C1orf167: variants seen among roughly 807,000 people sequenced by gnomAD.
C1orf167 encodes the protein uncharacterized protein C1orf167.
C1orf167 carries 153 observed loss-of-function variants against 176.5 expected under a neutral mutation model. That is an observed-to-expected ratio of 0.87 (90% CI 0.76 to 0.99). The LOEUF is 0.99. Ranked by LOEUF, C1orf167 falls within the 50% of genes least tolerant of loss-of-function variation. The probability of loss-of-function intolerance (pLI) is 0.00; values close to 1 mark genes in which losing one functional copy is unlikely to be tolerated. For missense variants in C1orf167, 1,490 were observed against 1,817.7 expected, an observed-to-expected ratio of 0.82 and a Z score of 3.28; for synonymous variants, 594 against 752.7, an observed-to-expected ratio of 0.79 and a Z score of 3.45.
At chr1:11,784,729 G>A (rs1270616762) in intron 15 of C1orf167, 136 bp downstream of exon 15, 13 of 1,014,216 alleles carry the variant, frequency 1.3e-5, no homozygotes, top group Non-Finnish European at 1.5e-5. Context: ...GGGGTGACAG[G>A]GAGAGGCCGC....
In C1orf167 at chr1:11,779,876, A is replaced by G. The variant is rs1168037526; in HGVS notation, c.2726A>G (p.Asp909Gly). The part of the protein sequence containing the change: ...WRELASHRAW[D>G]RTCRAVLGLW... ...GAGCTGGCTTCCCACCGGGCCTGGG[A>G]TCGGACCTGCAGGGCTGTGCTGGGC... is the stretch of plus-strand genomic sequence containing the variant. The change falls in exon 13 of 21, where the codon GAT becomes GGT. Residue 909 changes from aspartate to glycine, a missense_variant. By Grantham distance (94) the Asp-to-Gly change is moderately conservative. Transcript: ENST00000688073. 6 of 1,303,098 alleles carry G rather than the reference A, an allele frequency of 4.6e-6. No individual in the cohort carries two copies. The highest frequency in any genetic ancestry group is 6.1e-6 in the Non-Finnish European group (6 of 988,894). 80.7% of individuals were successfully genotyped at this position (1,303,098 alleles called of 1,614,324 possible). A position where few individuals can be genotyped will look rare whatever the true frequency, so the allele number is the denominator to read the frequency against.
Position 11,771,621 on chromosome 1 carries a change from G to A in C1orf167, c.1795G>A (p.Ala599Thr), listed in dbSNP as rs1222282746. The change falls in exon 7 of 21, where the codon GCC becomes ACC. Residue 599 changes from alanine (A) to threonine (T), a missense_variant. Ala to Thr is a moderately conservative substitution (Grantham distance 58). Coordinates refer to ENST00000688073, the MANE Select transcript of C1orf167 (RefSeq NM_001010881.2). ...SRHERVQILQ[A>T]LQLAVFFLWC... is the part of the protein sequence containing the mutation. ...ACACGAGAGAGTCCAGATCCTGCAG[G>A]CCCTGCAACTGGCTGGTGAGACGTG... is the stretch of plus-strand genomic sequence containing the variant. The A allele has an allele frequency of 7.8e-7, 1 of 1,289,808 alleles. No individual in the cohort carries two copies. The highest frequency in any genetic ancestry group is 1.0e-6 in the Non-Finnish European group (1 of 988,840). The allele number at this position is 1,289,808 out of a possible 1,614,324, so 79.9% of individuals were successfully genotyped here. A position where few individuals can be genotyped will look rare whatever the true frequency, so the allele number is the denominator to read the frequency against.
intron 6 of C1orf167, among the ~76,000 whole-genome samples, chr1:11,770,695 C>T (rs1037577082): frequency 1.3e-5 from 2 of 151,330 alleles, no homozygotes; most frequent in Non-Finnish European, 2.9e-5. Context: ...CTCCTGGCCT[C>T]AAGGTATCTG....
rs1212608877 is a variant in C1orf167, at chr1:11,768,501, A to G, written c.1542+226A>G. On this transcript the variant is annotated intron_variant, in intron 5 of 20. Coordinates refer to ENST00000688073, the MANE Select transcript of C1orf167 (RefSeq NM_001010881.2). The surrounding 1 kb of genome is among the most constrained non-coding windows in gnomAD (Gnocchi z 4.5). Reference sequence around the variant, plus strand: ...CTGCGTGACCTTGGGCAAGTTACCTAACCTCTCTGTGCCCCAGTCTCTTTA... The same window carrying G: ...CTGCGTGACCTTGGGCAAGTTACCTGACCTCTCTGTGCCCCAGTCTCTTTA... Among the ~76,000 whole-genome samples the G allele has an allele frequency of 3.3e-5, 5 of 152,136 alleles. No homozygotes were observed. The highest frequency in any genetic ancestry group is 6.6e-5 in the Admixed American group (1 of 15,266).
At chr1:11,769,387 C>A (rs563592669) in intron 6 of C1orf167, among the ~76,000 whole-genome samples, 1 of 152,074 alleles carries the variant, frequency 6.6e-6, no homozygotes, top group African/African-American at 2.4e-5. Flanking sequence ...GGCAACATAG[C>A]GAGACCCCGT....
chr1:11,788,964 C>G (rs966221316), intron 20 of C1orf167: 15 of 387,204 alleles, frequency 3.9e-5, no homozygotes, highest in Non-Finnish European at 6.8e-5. Flanking sequence ...CAGGCCCACC[C>G]GGTCCATCAG....
rs1483746144 is a variant in C1orf167, at chr1:11,789,467, A to T, written c.*21A>T. Reference sequence around the variant, plus strand: ...TGTGACTTGTTCTCATAGAATAAAAAACAGAACTGAACTTAGCCTTCCCAG... The same window carrying T: ...TGTGACTTGTTCTCATAGAATAAAATACAGAACTGAACTTAGCCTTCCCAG... On this transcript the variant is annotated 3_prime_UTR_variant, in exon 21 of 21. Transcript: ENST00000688073. 3.1e-6 allele frequency: 4 copies of T among 1,300,316 alleles called. No individual in the cohort carries two copies. 80.5% of individuals were successfully genotyped at this position (1,300,316 alleles called of 1,614,324 possible). A position where few individuals can be genotyped will look rare whatever the true frequency, so the allele number is the denominator to read the frequency against.
Position 11,762,320 on chromosome 1 carries a change from A to T in C1orf167, c.-71+15A>T. 8.1e-6 allele frequency: 3 copies of T among 371,878 alleles called. No individual in the cohort carries two copies. Among genetic ancestry groups the T allele is most frequent in the Non-Finnish European group, 1.6e-5 (3 of 185,848 alleles). The allele number at this position is 371,878 out of a possible 1,614,324, so 23.0% of individuals were successfully genotyped here. A position where few individuals can be genotyped will look rare whatever the true frequency, so the allele number is the denominator to read the frequency against. ...GACCCACGCACGTGAGGGCAGATCC[A>T]TGAGGGCAGGAAACTGACCTCAGAC... On this transcript the variant is annotated intron_variant, in intron 1 of 20. Transcript: ENST00000688073.
At position 11,788,297 on chromosome 1, in the gene C1orf167, T is replaced by C; in HGVS notation, c.3997T>C (p.Phe1333Leu). The change falls in exon 19 of 21, where the codon TTC (phenylalanine) becomes CTC (leucine). Residue 1333 changes from phenylalanine to leucine, a missense_variant. Coordinates refer to ENST00000688073, the MANE Select transcript of C1orf167 (RefSeq NM_001010881.2). ...AGGCACTGCTTCACGGGCTGCGGGG[T>C]TCCCAGCAGGCCAGGTGCCTGGCAG... is the stretch of plus-strand genomic sequence containing the variant. ...PRGTASRAAGFPAGQVPGSGM... is the reference protein window; with the variant it reads ...PRGTASRAAGLPAGQVPGSGM... 7.7e-7 allele frequency: 1 copy of C among 1,303,334 alleles called. No individual in the cohort carries two copies. Among genetic ancestry groups the C allele is most frequent in the Non-Finnish European group, 1.0e-6 (1 of 988,502 alleles). The allele number at this position is 1,303,334 out of a possible 1,614,324, so 80.7% of individuals were successfully genotyped here. A position where few individuals can be genotyped will look rare whatever the true frequency, so the allele number is the denominator to read the frequency against.
intron 12 of C1orf167, chr1:11,779,345 C>T (rs1193238300): frequency 2.7e-5 from 6 of 224,546 alleles, no homozygotes; most frequent in African/African-American, 1.4e-4. Flanking sequence ...AAGAGTTGGT[C>T]TCCCTGGGTT....
chr1:11,771,514 T>C lies in C1orf167; in HGVS notation c.1698-10T>C. On this transcript the variant is annotated splice_polypyrimidine_tract_variant and intron_variant, in intron 6 of 20. Transcript: ENST00000688073. ...GTCATCAGCTTCTCTCTGGGCAACT[T>C]TGCTTTTAGTCCAGGAAGTCTGAGG... is the stretch of plus-strand genomic sequence containing the variant. 7.8e-7 allele frequency: 1 copy of C among 1,288,334 alleles called. No individual in the cohort carries two copies. The allele number at this position is 1,288,334 out of a possible 1,614,324, so 79.8% of individuals were successfully genotyped here. A position where few individuals can be genotyped will look rare whatever the true frequency, so the allele number is the denominator to read the frequency against.
rs148716033 is a variant in C1orf167, at chr1:11,766,356, C to T, written c.570C>T (p.Leu190=). The change falls in exon 3 of 21, where the codon CTC becomes CTT. Residue 190 remains leucine (L), a synonymous_variant. Coordinates refer to ENST00000688073, the MANE Select transcript of C1orf167 (RefSeq NM_001010881.2). This position sits in a 1 kb window ranked among gnomAD's most constrained non-coding sequence, Gnocchi z 4.5. ...GGCCCACTGAAGCCTTTGCCCCTCT[C>T]GATGGGCATACACAGCCAGGCCTCA... The part of the protein sequence containing the change: ...DFRPTEAFAP[L]DGHTQPGLRS... 413 of 1,273,264 alleles carry T rather than the reference C, an allele frequency of 3.2e-4. 4 individuals carry two copies. In the African/African-American group the frequency reaches 5.7e-3, roughly 18 times the overall value. 78.9% of individuals were successfully genotyped at this position (1,273,264 alleles called of 1,614,324 possible).
In C1orf167 at chr1:11,766,290, G is replaced by C. The variant is rs1472808452; in HGVS notation, c.504G>C (p.Gln168His). 3 of 1,289,588 alleles carry C rather than the reference G, an allele frequency of 2.3e-6. No individual in the cohort carries two copies. The highest frequency in any genetic ancestry group is 2.0e-6 in the Non-Finnish European group (2 of 988,760). 79.9% of individuals were successfully genotyped at this position (1,289,588 alleles called of 1,614,324 possible). A position where few individuals can be genotyped will look rare whatever the true frequency, so the allele number is the denominator to read the frequency against. ...CTCGCCCATCTTCCTGCCTGAGGCA[G>C]TCCGGGCTGCCGGCCCCAGGCACCC... ...PLARPSSCLR[Q>H]SGLPAPGTPS... Residue 168 changes from glutamine (Q) to histidine (H), a missense_variant, in exon 3 of 21, where the codon CAG becomes CAC. Physicochemically the swap from Gln to His is conservative, Grantham distance 24 (BLOSUM62 0). Coordinates refer to ENST00000688073, the MANE Select transcript of C1orf167 (RefSeq NM_001010881.2). This position sits in a 1 kb window ranked among gnomAD's most constrained non-coding sequence, Gnocchi z 4.5.
chr1:11,779,684 G>C (rs1159126061), intron 12 of C1orf167, 118 bp from the exon 13 acceptor site: 5 of 774,606 alleles, frequency 6.5e-6, no homozygotes, highest in Non-Finnish European at 9.1e-6. Context: ...AATGGAAACA[G>C]AAGAGTCACC....
Position 11,766,661 on chromosome 1 carries a change from CGGATGGGAGGAGGAGACG to C in C1orf167, c.876_893del (p.Asp293_Arg298del). The stretch of plus-strand genomic sequence containing the variant: ...CCCAGCCAGCCTGTCCTTGCTTCCT[CGGATGGGAGGAGGAGACG>C]CCTTCGAGGCCACAGGGAAACTGCG... On this transcript the variant is annotated inframe_deletion, in exon 3 of 21. Coordinates refer to ENST00000688073, the MANE Select transcript of C1orf167 (RefSeq NM_001010881.2). The surrounding 1 kb of genome is among the most constrained non-coding windows in gnomAD (Gnocchi z 4.5). 1 of 1,289,610 alleles carries C rather than the reference CGGATGGGAGGAGGAGACG, an allele frequency of 7.8e-7. No individual in the cohort carries two copies. The highest frequency in any genetic ancestry group is 2.3e-5 in the Admixed American group (1 of 43,554). 79.9% of individuals were successfully genotyped at this position (1,289,610 alleles called of 1,614,324 possible).
At chr1:11,780,110 C>G in intron 13 of C1orf167, 100 bp downstream of exon 13, 3 of 914,036 alleles carry the variant, frequency 3.3e-6, no homozygotes, top group Non-Finnish European at 4.4e-6. Context: ...ACTGTAACCG[C>G]ATGGGAGAAC....
At chr1:11,767,904 C>T (rs1249036062) in intron 4 of C1orf167, among the ~76,000 whole-genome samples, 173 bp from the exon 5 acceptor site, 2 of 152,104 alleles carry the variant, frequency 1.3e-5, no homozygotes, top group East Asian at 3.8e-4. Flanking sequence ...TTTCCAAGTC[C>T]AGCCATCAGT....
Position 11,788,225 on chromosome 1 carries a change from G to A in C1orf167, c.3925G>A (p.Asp1309Asn), listed in dbSNP as rs760756415. The change falls in exon 19 of 21, where the codon GAT becomes AAT. Residue 1309 changes from aspartate (D) to asparagine (N), a missense_variant. Transcript: ENST00000688073. ...SALLLALKGH[D>N]ALGHQEEVPA... ...CCTCCTTCTGGCCCTGAAGGGTCACGATGCTCTTGGCCATCAGGAGGAAGT... is the reference window on the plus strand; with the variant it reads ...CCTCCTTCTGGCCCTGAAGGGTCACAATGCTCTTGGCCATCAGGAGGAAGT... 8 of 1,303,790 alleles carry A rather than the reference G, an allele frequency of 6.1e-6. No homozygotes were observed. The highest frequency in any genetic ancestry group is 1.5e-5 in the African/African-American group (1 of 65,994). 80.8% of individuals were successfully genotyped at this position (1,303,790 alleles called of 1,614,324 possible).
rs75694436 is a variant in C1orf167, at chr1:11,766,302, G to A, written c.516G>A (p.Pro172=). Residue 172 remains proline (P), a synonymous_variant, in exon 3 of 21, where the codon CCG becomes CCA. Transcript: ENST00000688073. This position sits in a 1 kb window ranked among gnomAD's most constrained non-coding sequence, Gnocchi z 4.5. ...CCTGCCTGAGGCAGTCCGGGCTGCC[G>A]GCCCCAGGCACCCCTAGCGGGGACT... is the stretch of plus-strand genomic sequence containing the variant. ...PSSCLRQSGL[P]APGTPSGDFR... 1,349 of 1,289,296 alleles carry A rather than the reference G, an allele frequency of 1.0e-3. 6 individuals are homozygous for A. The highest frequency in any genetic ancestry group is 9.2e-3 in the East Asian group (166 of 18,004). The allele number at this position is 1,289,296 out of a possible 1,614,324, so 79.9% of individuals were successfully genotyped here.
Sources: gnomAD v4.1 joint callset for allele counts (sites outside exome capture counted in the v4.1 genomes callset) on GRCh38, gnomAD v4.1.1 for gene constraint, Gnocchi (gnomAD v3.1) non-coding constraint, MANE v1.5 for transcripts, NCBI Gene and HGNC (gene_info 2026-07-23, HGNC 2026-07-21) for gene names.